Variants in BACH1 observed in about 807,000 individuals in gnomAD.
BACH1 encodes the protein transcription regulator protein BACH1.
In BACH1, 35 loss-of-function variants were observed where a neutral mutation model predicts 52.9. That is an observed-to-expected ratio of 0.66 (90% CI 0.51 to 0.88). BACH1 has a LOEUF of 0.88. BACH1 is among the 40% of genes least tolerant of loss of function. BACH1 has a pLI of 0.00. For missense variants in BACH1, 808 were observed against 872.6 expected, an observed-to-expected ratio of 0.93 and a Z score of 0.93; for synonymous variants, 321 against 319.6, an observed-to-expected ratio of 1.00 and a Z score of -0.05.
intron 4 of BACH1, among the ~76,000 whole-genome samples, chr21:29,337,967 C>T (rs945655351): frequency 8.6e-5 from 13 of 151,844 alleles, no homozygotes; most frequent in African/African-American, 1.9e-4. Flanking sequence ...ACAAAAAAAA[C>T]GAGTTAATGG....
downstream of BACH1, among the ~76,000 whole-genome samples, chr21:29,347,339 G>A (rs2089175355): frequency 1.3e-5 from 2 of 152,116 alleles, no homozygotes; most frequent in Admixed American, 6.5e-5. Flanking sequence ...AATGTAAACA[G>A]GGAGCAAATT....
Position 29,342,843 on chromosome 21 carries a change from C to T in BACH1, c.*10C>T. The T allele has an allele frequency of 6.4e-7, 1 of 1,563,714 alleles. No individual in the cohort carries two copies. Among genetic ancestry groups the T allele is most frequent in the Non-Finnish European group, 8.7e-7 (1 of 1,151,352 alleles). On this transcript the variant is annotated 3_prime_UTR_variant, in exon 5 of 5. Transcript: ENST00000286800. ...TACTACTGATGAGTAAACTTGCATT[C>T]ACTTCCTTCAAACCATCTAATTTTC...
Position 29,313,893 on chromosome 21 carries a change from G to C in BACH1, c.-60-7328G>C, listed in dbSNP as rs2088757509. Among the ~76,000 whole-genome samples the C allele has an allele frequency of 2.0e-5, 3 of 151,864 alleles. No individual in the cohort carries two copies. The South Asian group carries it at 6.2e-4, about 32-fold the overall frequency. ...GGAAATTTTGTCTTGGTTGGGGGGG[G>C]TGGTGGTGGTTTTATGCACATATAC... On this transcript the variant is annotated intron_variant, in intron 1 of 4. Transcript: ENST00000286800.
chr21:29,347,089 G>T (rs74805323), downstream of BACH1, among the ~76,000 whole-genome samples: 1,368 of 152,264 alleles, frequency 9.0e-3, 21 homozygotes, highest in African/African-American at 0.031. Context: ...AGTAGGTATT[G>T]AGGGTTTAGA....
intron 2 of BACH1, among the ~76,000 whole-genome samples, chr21:29,353,484 CCT>C (rs2089215459): frequency 6.6e-6 from 1 of 152,120 alleles, no homozygotes; most frequent in Non-Finnish European, 1.5e-5. Flanking sequence ...TCAGAGGTCC[CCT>C]CTCTGTTCCT....
intron 2 of BACH1, among the ~76,000 whole-genome samples, chr21:29,322,103 A>G (rs1233449627): frequency 6.6e-6 from 1 of 152,186 alleles, no homozygotes; most frequent in African/African-American, 2.4e-5. Context: ...CGTGAGACTT[A>G]TTCACTATCA....
downstream of BACH1, among the ~76,000 whole-genome samples, chr21:29,351,046 A>G (rs74910125): frequency 0.01 from 1,580 of 152,302 alleles, 52 homozygotes; most frequent in African/African-American, 0.037. Flanking sequence ...TGCAAAGATC[A>G]TGGAAAATAT....
chr21:29,342,269 A>G lies in BACH1; in HGVS notation c.1777-130A>G. On this transcript the variant is annotated intron_variant, in intron 4 of 4. Transcript: ENST00000286800. ...CCTTTAGTATTTAATGTATAATTGAATGGAATTGAAAGGATAAACTCCATG... is the reference window on the plus strand; with the variant it reads ...CCTTTAGTATTTAATGTATAATTGAGTGGAATTGAAAGGATAAACTCCATG... The G allele has an allele frequency of 7.6e-6, 7 of 921,932 alleles. 1 individual carries two copies. Among genetic ancestry groups the G allele is most frequent in the Middle Eastern group, 3.4e-4 (1 of 2,916 alleles). The allele number at this position is 921,932 out of a possible 1,614,324, so 57.1% of individuals were successfully genotyped here.
intron 2 of BACH1, among the ~76,000 whole-genome samples, chr21:29,325,848 A>G (rs1601354329): frequency 1.3e-5 from 2 of 152,184 alleles, no homozygotes; most frequent in East Asian, 3.8e-4. Flanking sequence ...GACTCTATAA[A>G]ATAGTGTGTG....
chr21:29,343,115 G>C lies in BACH1; in HGVS notation c.*282G>C. 8.5e-6 allele frequency: 2 copies of C among 234,280 alleles called. No individual in the cohort carries two copies. The highest frequency in any genetic ancestry group is 1.7e-5 in the Non-Finnish European group (2 of 118,960). The allele number at this position is 234,280 out of a possible 1,614,324, so 14.5% of individuals were successfully genotyped here. On this transcript the variant is annotated 3_prime_UTR_variant, in exon 5 of 5. Coordinates refer to ENST00000286800, the MANE Select transcript of BACH1 (RefSeq NM_001186.4). The stretch of plus-strand genomic sequence containing the variant: ...AATAACTCTAGTAATAACTCTTCCT[G>C]CTATTCAGAATAAGTAGGAGAATGA...
In BACH1 at chr21:29,345,710, AAC is replaced by A. The variant is rs2089162124; in HGVS notation, c.*2879_*2880del. ...TTGCATGTGGACACTCAGTCACATT[AAC>A]AACTTGGGAAAAAAATGGCAATGTT... On this transcript the variant is annotated 3_prime_UTR_variant, in exon 5 of 5. Coordinates refer to ENST00000286800, the MANE Select transcript of BACH1 (RefSeq NM_001186.4). 6.6e-6 allele frequency: 1 copy of A among 152,602 alleles called. No individual in the cohort carries two copies. Among genetic ancestry groups the A allele is most frequent in the Admixed American group, 6.5e-5 (1 of 15,274 alleles). 9.5% of individuals were successfully genotyped at this position (152,602 alleles called of 1,614,324 possible).
chr21:29,358,790 GAAAGAA>G (rs2089252764), intron 2 of BACH1, among the ~76,000 whole-genome samples: 1 of 129,126 alleles, frequency 7.7e-6, no homozygotes, highest in African/African-American at 2.6e-5. Flanking sequence ...AAGAAAGAAA[GAAAGAA>G]AGAAAGAAAG....
chr21:29,346,441 C>G (rs994149418), downstream of BACH1, among the ~76,000 whole-genome samples: 18 of 152,220 alleles, frequency 1.2e-4, 1 homozygote, highest in Non-Finnish European at 2.1e-4. Flanking sequence ...CGAGTCAGCT[C>G]TTTGTATCCT....
rs777893022 is a variant in BACH1, at chr21:29,326,941, T to C, written c.1117T>C (p.Leu373=). 6.2e-7 allele frequency: 1 copy of C among 1,614,108 alleles called. No homozygotes were observed. The change falls in exon 3 of 5, where the codon TTG becomes CTG. Residue 373 remains leucine, a synonymous_variant. Coordinates refer to ENST00000286800, the MANE Select transcript of BACH1 (RefSeq NM_001186.4). ...ESQDLPLKSD[L]GTREDSSVAS... is the part of the protein sequence containing the mutation. ...TCAGGATTTACCTTTGAAATCCGAC[T>C]TGGGCACCAGGGAAGATAGTAGTGT...
chr21:29,354,874 T>C (rs2089223919), intron 2 of BACH1, among the ~76,000 whole-genome samples: 1 of 152,152 alleles, frequency 6.6e-6, no homozygotes, highest in African/African-American at 2.4e-5. Context: ...GAAAAGTGTG[T>C]GTGTGGTGAA....
intron 1 of BACH1, among the ~76,000 whole-genome samples, chr21:29,319,633 G>C (rs1340381064): frequency 6.7e-6 from 1 of 150,260 alleles, no homozygotes; most frequent in Non-Finnish European, 1.5e-5. Context: ...GCAGTGCTGT[G>C]TTCAAAAGAA....
intron 1 of BACH1, among the ~76,000 whole-genome samples, chr21:29,316,445 G>A (rs2088787820): frequency 6.6e-6 from 1 of 152,130 alleles, no homozygotes; most frequent in Non-Finnish European, 1.5e-5. Flanking sequence ...GATAACAATA[G>A]TATTATTTCT....
chr21:29,361,321 C>T (rs1182284619), intron 2 of BACH1: 1 of 152,152 alleles, frequency 6.6e-6, no homozygotes, highest in Non-Finnish European at 1.5e-5. Flanking sequence ...TGGGTTAAGG[C>T]TTGCAGCTGG....
At chr21:29,325,779 T>C (rs2088903260) in intron 2 of BACH1, among the ~76,000 whole-genome samples, 1 of 152,134 alleles carries the variant, frequency 6.6e-6, no homozygotes, top group Non-Finnish European at 1.5e-5. Flanking sequence ...AAAATTGTGG[T>C]AATGTCTTAC....
Sources: allele counts gnomAD v4.1 joint callset (sites outside exome capture counted in the v4.1 genomes callset), GRCh38; gene constraint gnomAD v4.1.1; transcripts MANE v1.5; gene names NCBI Gene and HGNC (gene_info 2026-07-23, HGNC 2026-07-21).